The following ATP2A1 variants were observed in gnomAD, a reference collection of about 807,000 sequenced individuals.
ATP2A1 encodes sarcoplasmic/endoplasmic reticulum calcium ATPase 1.
In ATP2A1, 83 loss-of-function variants were observed where a neutral mutation model predicts 109.5. The ratio of observed to expected loss-of-function variants is 0.76; its 90% CI spans 0.63 to 0.91. The LOEUF is 0.91. ATP2A1 is among the 40% of genes least tolerant of loss of function. The pLI, the probability that ATP2A1 is intolerant of heterozygous loss-of-function variation, is 0.00. For synonymous variants in ATP2A1, 505 were observed against 537.6 expected, an observed-to-expected ratio of 0.94 and a Z score of 0.84; for missense variants, 1,101 against 1,341.0, an observed-to-expected ratio of 0.82 and a Z score of 2.80.
chr16:28,889,005 T>A, intron 9 of ATP2A1, 52 bp downstream of exon 9: 4 of 1,605,570 alleles, frequency 2.5e-6, no homozygotes, highest in Non-Finnish European at 2.6e-6. Context: ...CTGTGGGGGT[T>A]AAATGGGCCC....
rs1963535513 is a variant in ATP2A1 at position 28,883,198 on chromosome 16, A to C, written c.463+609A>C. On this transcript the variant is annotated intron_variant, in intron 5 of 22. Coordinates refer to ENST00000395503, the MANE Select transcript of ATP2A1 (RefSeq NM_004320.6). The surrounding 1 kb of genome is among the most constrained non-coding windows in gnomAD (Gnocchi z 5.2). ...AGATTACTGGGATTCTGCCCCCTTC[A>C]GCGGTTTTTATGTTTGCCCTGAGCA... 6.6e-6 allele frequency among the ~76,000 whole-genome samples: 1 copy of C among 152,166 alleles called. No individual in the cohort carries two copies. The highest frequency in any genetic ancestry group is 6.6e-5 in the Admixed American group (1 of 15,266).
chr16:28,900,285 G>T (rs749505775), intron 14 of ATP2A1, among the ~76,000 whole-genome samples: 2 of 151,724 alleles, frequency 1.3e-5, no homozygotes, highest in African/African-American at 4.9e-5. Flanking sequence ...CTCCAGCCTG[G>T]GTGACAGAGC....
Position 28,880,187 on chromosome 16 carries a change from C to A in ATP2A1, c.219+604C>A. 1.1e-6 allele frequency: 1 copy of A among 940,646 alleles called. No individual in the cohort carries two copies. The highest frequency in any genetic ancestry group is 1.3e-6 in the Non-Finnish European group (1 of 786,142). 58.3% of individuals were successfully genotyped at this position (940,646 alleles called of 1,614,324 possible). ...AGGCACCCCCACCCCCGCAGGGCAT[C>A]TCCAGGGCTCTGCCTCCTCTCCCGC... On this transcript the variant is annotated intron_variant, in intron 3 of 22. Transcript: ENST00000395503. The surrounding 1 kb of genome is among the most constrained non-coding windows in gnomAD (Gnocchi z 4.2).
At chr16:28,895,642 ATAG>A (rs1963899715) in intron 12 of ATP2A1, among the ~76,000 whole-genome samples, 2 of 151,954 alleles carry the variant, frequency 1.3e-5, no homozygotes, top group South Asian at 2.1e-4. Flanking sequence ...CCTGGGCAAC[ATAG>A]TGAGACCCGC....
intron 15 of ATP2A1, among the ~76,000 whole-genome samples, chr16:28,901,195 T>C (rs1964063491): frequency 6.6e-6 from 1 of 151,596 alleles, no homozygotes; most frequent in Non-Finnish European, 1.5e-5. Flanking sequence ...AAATTTAGCC[T>C]CACAGTGGCA....
At chr16:28,890,755 G>A (rs987285013) in intron 9 of ATP2A1, among the ~76,000 whole-genome samples, 1 of 151,588 alleles carries the variant, frequency 6.6e-6, no homozygotes, top group Non-Finnish European at 1.5e-5. Flanking sequence ...GCCCAGTCTC[G>A]GCTCACTACA....
intron 15 of ATP2A1, 59 bp downstream of exon 15, chr16:28,900,975 C>G: frequency 2.5e-6 from 4 of 1,603,700 alleles, no homozygotes; most frequent in Non-Finnish European, 2.6e-6. Flanking sequence ...GATGACTGTG[C>G]TGGGGAGAGT....
chr16:28,903,503 CCCCCG>C lies in ATP2A1; in HGVS notation c.2980+74_2980+78del. 3 of 1,445,856 alleles carry C rather than the reference CCCCCG, an allele frequency of 2.1e-6. No individual in the cohort carries two copies. The highest frequency in any genetic ancestry group is 1.9e-6 in the Non-Finnish European group (2 of 1,031,072). The allele number at this position is 1,445,856 out of a possible 1,614,324, so 89.6% of individuals were successfully genotyped here. ...CCACAGCCCCTTCCCCATGACGCCG[CCCCCG>C]CCCCGCCCCGTACTTTGCAGGTGGT... On this transcript the variant is annotated intron_variant, in intron 21 of 22. Transcript: ENST00000395503. The surrounding 1 kb of genome is among the most constrained non-coding windows in gnomAD (Gnocchi z 5.6).
intron 9 of ATP2A1, among the ~76,000 whole-genome samples, chr16:28,893,655 G>GTTTTTTTTTTT (rs11304796): frequency 2.7e-5 from 3 of 111,990 alleles, no homozygotes; most frequent in Non-Finnish European, 1.8e-5. Flanking sequence ...GTTTTTTTTT[G>GTTTTTTTTTTT]TTTTTTTTTT....
In ATP2A1 at chr16:28,900,769, C is replaced by T. The variant is rs200969176; in HGVS notation, c.1953C>T (p.Arg651=). The part of the protein sequence containing the change: ...IFGENEEVAD[R]AYTGREFDDL... Reference sequence around the variant, plus strand: ...GGGAGAACGAGGAGGTGGCCGATCGCGCCTACACGGGCCGAGAGTTCGACG... The same window carrying T: ...GGGAGAACGAGGAGGTGGCCGATCGTGCCTACACGGGCCGAGAGTTCGACG... Residue 651 remains arginine, a synonymous_variant, in exon 15 of 23, where the codon CGC becomes CGT. Transcript: ENST00000395503. The T allele has an allele frequency of 4.8e-5, 77 of 1,614,174 alleles. No homozygotes were observed. Among genetic ancestry groups the T allele is most frequent in the Admixed American group, 6.7e-5 (4 of 60,014 alleles).
intron 2 of ATP2A1, 81 bp from the exon 3 acceptor site, chr16:28,879,420 G>A (rs2152196671): frequency 7.5e-7 from 1 of 1,340,948 alleles, no homozygotes; most frequent in East Asian, 2.3e-5. Flanking sequence ...CCCCACTGCA[G>A]GCCGGAGTCC....
intron 9 of ATP2A1, 127 bp from the exon 10 acceptor site, chr16:28,894,028 A>C: frequency 1.3e-6 from 1 of 750,050 alleles, no homozygotes; most frequent in Non-Finnish European, 2.3e-6. Flanking sequence ...GGGGGGGATG[A>C]GGAGGGGTGA....
chr16:28,899,749 T>C (rs1253414157), intron 14 of ATP2A1, among the ~76,000 whole-genome samples: 2 of 142,588 alleles, frequency 1.4e-5, no homozygotes, highest in Non-Finnish European at 3.0e-5. Context: ...TCACTTGAGG[T>C]TAGGAGTTTG....
intron 12 of ATP2A1, among the ~76,000 whole-genome samples, chr16:28,895,702 A>G (rs1220706118): frequency 6.6e-6 from 1 of 151,896 alleles, no homozygotes; most frequent in Non-Finnish European, 1.5e-5. Context: ...AGAAAGAAAA[A>G]AAAAAGAAAA....
rs189023139 is a variant in ATP2A1, at chr16:28,900,984, G to A, written c.2100+68G>A. The A allele has an allele frequency of 1.1e-5, 18 of 1,592,946 alleles. No homozygotes were observed. The East Asian group carries it at 3.6e-4, about 32-fold the overall frequency. On this transcript the variant is annotated intron_variant, in intron 15 of 22. Transcript: ENST00000395503. Reference sequence around the variant, plus strand: ...TGACCAGATGACTGTGCTGGGGAGAGTGGGGCCCAGGGCCAGAGGGCCCTG... The same window carrying A: ...TGACCAGATGACTGTGCTGGGGAGAATGGGGCCCAGGGCCAGAGGGCCCTG...
chr16:28,892,446 AAC>A (rs200961662), intron 9 of ATP2A1: 76,371 of 262,516 alleles, frequency 0.29, 12,868 homozygotes, highest in Middle Eastern at 0.38. Flanking sequence ...GAAAGGCTGT[AAC>A]CTTGGCTCCT....
At chr16:28,879,352 G>T in intron 2 of ATP2A1, 149 bp from the exon 3 acceptor site, 1 of 892,574 alleles carries the variant, frequency 1.1e-6, no homozygotes, top group Non-Finnish European at 1.8e-6. Context: ...CTGGACTCCA[G>T]GCGAGCTTCT....
chr16:28,900,508 C>G (rs996282733), intron 14 of ATP2A1, 73 bp from the exon 15 acceptor site: 1 of 1,397,814 alleles, frequency 7.2e-7, no homozygotes, highest in East Asian at 2.4e-5. Flanking sequence ...CCATCCCCAC[C>G]CCCCACCAGC....
chr16:28,902,541 C>T lies in ATP2A1; in HGVS notation c.2525-39C>T, dbSNP rs1964110571. 1 of 1,605,292 alleles carries T rather than the reference C, an allele frequency of 6.2e-7. No homozygotes were observed. The highest frequency in any genetic ancestry group is 8.5e-7 in the Non-Finnish European group (1 of 1,173,192). ...CCTCAACCCTCGATGCCCCCTATCT[C>T]CCCAGCCCTGACCCCCGACTCCCCT... On this transcript the variant is annotated intron_variant, in intron 17 of 22. Transcript: ENST00000395503. The surrounding 1 kb of genome is among the most constrained non-coding windows in gnomAD (Gnocchi z 4.8).
Sources: gnomAD v4.1 joint callset for allele counts (sites outside exome capture counted in the v4.1 genomes callset) on GRCh38, gnomAD v4.1.1 for gene constraint, Gnocchi (gnomAD v3.1) non-coding constraint, MANE v1.5 for transcripts, NCBI Gene and HGNC (gene_info 2026-07-23, HGNC 2026-07-21) for gene names.